The following CFAP46 variants were observed in gnomAD, a reference collection of about 807,000 sequenced individuals.
CFAP46 encodes the protein cilia- and flagella-associated protein 46.
CFAP46 carries 245 observed loss-of-function variants against 325.7 expected under a neutral mutation model. That is an observed-to-expected ratio of 0.75 (90% CI 0.68 to 0.84). The LOEUF (loss-of-function observed/expected upper bound fraction) is 0.84. Among genes scored for constraint, CFAP46 ranks in the 40% least tolerant of loss-of-function variants. CFAP46 has a pLI of 0.00. For missense variants in CFAP46, 3,346 were observed against 3,543.0 expected (o/e 0.94, Z 1.41); for synonymous variants, 1,523 against 1,495.9 (o/e 1.02, Z -0.42).
At chr10:132,885,615 G>C (rs1030070352) in intron 26 of CFAP46, among the ~76,000 whole-genome samples, 5 of 149,510 alleles carry the variant, frequency 3.3e-5, no homozygotes, top group African/African-American at 9.9e-5. Flanking sequence ...GGAGCAGCAG[G>C]CAGGTGCTCA....
chr10:132,886,102 C>G lies in CFAP46; in HGVS notation c.3305-143G>C. 1 of 1,181,976 alleles carries G rather than the reference C, an allele frequency of 8.5e-7. No individual in the cohort carries two copies. The highest frequency in any genetic ancestry group is 1.5e-5 in the South Asian group (1 of 66,132). 73.2% of individuals were successfully genotyped at this position (1,181,976 alleles called of 1,614,324 possible). A position where few individuals can be genotyped will look rare whatever the true frequency, so the allele number is the denominator to read the frequency against. On this transcript the variant is annotated intron_variant, in intron 25 of 57. Coordinates refer to ENST00000368586, the MANE Select transcript of CFAP46 (RefSeq NM_001200049.3). The surrounding 1 kb of genome is among the most constrained non-coding windows in gnomAD (Gnocchi z 5.8). ...GAGGTGCCCAGGCCAGCGCATGCCC[C>G]GCAGGGCTGAAGTGAGCTGTGGACC...
chr10:132,878,191 C>T (rs1848984741), intron 29 of CFAP46, 104 bp from the exon 30 acceptor site: 1 of 1,058,000 alleles, frequency 9.5e-7, no homozygotes, highest in East Asian at 2.6e-5. Context: ...CGCGGGGCTC[C>T]CCAGACTCTA....
In CFAP46 at chr10:132,895,945, G is replaced by GA. The variant is rs5789143; in HGVS notation, c.3219+3013dup. 3.4e-4 allele frequency among the ~76,000 whole-genome samples: 16 copies of GA among 47,758 alleles called. 4 individuals are homozygous for GA. In the African/African-American group the frequency reaches 3.8e-3, roughly 11 times the overall value. The allele number at this position is 47,758 out of a possible 152,430, so 31.3% of individuals were successfully genotyped here. A position where few individuals can be genotyped will look rare whatever the true frequency, so the allele number is the denominator to read the frequency against. On this transcript the variant is annotated intron_variant, in intron 24 of 57. Coordinates refer to ENST00000368586, the MANE Select transcript of CFAP46 (RefSeq NM_001200049.3). ...AAGGCAGCCAGGCTCTGTGTGCCAT[G>GA]AGACACGGCGAGAAGGCAGCTAGGC... is the stretch of plus-strand genomic sequence containing the variant.
At chr10:132,896,924 G>A (rs4131158) in intron 24 of CFAP46, among the ~76,000 whole-genome samples, 40,302 of 152,032 alleles carry the variant, frequency 0.27, 6,441 homozygotes, top group Admixed American at 0.45. Context: ...CATACAGGCC[G>A]GTGAAATAGA....
At chr10:132,887,374 CCTCTT>C (rs1338554402) in intron 25 of CFAP46, among the ~76,000 whole-genome samples, 2 of 110,338 alleles carry the variant, frequency 1.8e-5, no homozygotes, top group Non-Finnish European at 1.8e-5. Flanking sequence ...TTTCCTCTCC[CCTCTT>C]CTCTCTCTCC....
At position 132,916,237 on chromosome 10, in the gene CFAP46, G is replaced by C. The variant is rs112522600; in HGVS notation, c.2120+312C>G. ...AGCTGCCTTTCACGCATCATCAGAGGGCCTGACGAGGGTGAGCAAGAGGGA... is the reference window on the plus strand; with the variant it reads ...AGCTGCCTTTCACGCATCATCAGAGCGCCTGACGAGGGTGAGCAAGAGGGA... On this transcript the variant is annotated intron_variant, in intron 17 of 57. Coordinates refer to ENST00000368586, the MANE Select transcript of CFAP46 (RefSeq NM_001200049.3). Among the ~76,000 whole-genome samples the C allele has an allele frequency of 3.9e-3, 587 of 152,310 alleles. 1 individual carries two copies. The highest frequency in any genetic ancestry group is 6.2e-3 in the Non-Finnish European group (423 of 68,032).
rs1440635184 is a variant in CFAP46 at position 132,886,363 on chromosome 10, G to T, written c.3305-404C>A. Among the ~76,000 whole-genome samples, 1 of 152,194 alleles carries T rather than the reference G, an allele frequency of 6.6e-6. No individual in the cohort carries two copies. Among genetic ancestry groups the T allele is most frequent in the Non-Finnish European group, 1.5e-5 (1 of 68,030 alleles). Reference sequence around the variant, plus strand: ...GGACACAGCGCCACGTGCACGCTCGGGAGTCCTCATGCTTGGTGCCCGCAG... The same window carrying T: ...GGACACAGCGCCACGTGCACGCTCGTGAGTCCTCATGCTTGGTGCCCGCAG... On this transcript the variant is annotated intron_variant, in intron 25 of 57. Transcript: ENST00000368586. This position sits in a 1 kb window ranked among gnomAD's most constrained non-coding sequence, Gnocchi z 5.8.
At chr10:132,933,003 T>C (rs12247909) in intron 8 of CFAP46, among the ~76,000 whole-genome samples, 23,723 of 152,224 alleles carry the variant, frequency 0.16, 2,443 homozygotes, top group African/African-American at 0.3. Flanking sequence ...CAAATGTCCT[T>C]GGGGAGCAGG....
chr10:132,915,922 TA>T (rs1490517939), intron 17 of CFAP46, among the ~76,000 whole-genome samples: 2 of 152,120 alleles, frequency 1.3e-5, no homozygotes, highest in African/African-American at 4.8e-5. Flanking sequence ...TCTTGTCAAT[TA>T]AAAAAATAAG....
chr10:132,913,732 TC>T (rs1411339540), intron 17 of CFAP46, among the ~76,000 whole-genome samples: 1 of 152,106 alleles, frequency 6.6e-6, no homozygotes, highest in African/African-American at 2.4e-5. Flanking sequence ...TGTGGACTCT[TC>T]CTATGAGACT....
chr10:132,816,215 G>A (rs906222841), intron 50 of CFAP46, among the ~76,000 whole-genome samples: 14 of 150,938 alleles, frequency 9.3e-5, no homozygotes, highest in South Asian at 2.1e-4. Context: ...GTGTCTTTCC[G>A]TTTCTGGCGT....
At chr10:132,838,377 T>TG (rs1848300108) in intron 44 of CFAP46, among the ~76,000 whole-genome samples, 2 of 152,284 alleles carry the variant, frequency 1.3e-5, no homozygotes, top group African/African-American at 4.8e-5. Context: ...GAAAGTGGCG[T>TG]AAAAGCCCAT....
At chr10:132,823,090 T>A (rs1339033306) in intron 50 of CFAP46, among the ~76,000 whole-genome samples, 7 of 144,108 alleles carry the variant, frequency 4.9e-5, no homozygotes, top group Non-Finnish European at 7.5e-5. Flanking sequence ...TGCTGATGTG[T>A]GCTTTGTATG....
Position 132,832,444 on chromosome 10 carries a change from G to C in CFAP46, c.7117+914C>G, listed in dbSNP as rs566364765. ...TTCCCCAGAGAGTAAGACCTGGGTG[G>C]GCCATGGCGCTCGCCAGCCAAACCC... is the stretch of plus-strand genomic sequence containing the variant. On this transcript the variant is annotated intron_variant, in intron 50 of 57. Transcript: ENST00000368586. The surrounding 1 kb of genome is among the most constrained non-coding windows in gnomAD (Gnocchi z 4.1). Among the ~76,000 whole-genome samples, 1 of 149,696 alleles carries C rather than the reference G, an allele frequency of 6.7e-6. No individual in the cohort carries two copies. The highest frequency in any genetic ancestry group is 2.0e-4 in the East Asian group (1 of 5,066).
intron 33 of CFAP46, among the ~76,000 whole-genome samples, chr10:132,867,891 G>A (rs568757500): frequency 1.2e-3 from 183 of 152,296 alleles, no homozygotes; most frequent in Non-Finnish European, 1.9e-3. Context: ...GCCTTCCCAC[G>A]GGGTCTTCAA....
At chr10:132,893,296 G>A (rs372347073) in intron 24 of CFAP46, among the ~76,000 whole-genome samples, 17 of 152,226 alleles carry the variant, frequency 1.1e-4, no homozygotes, top group Non-Finnish European at 1.3e-4. Flanking sequence ...CATGCAATAC[G>A]CTGGAAGTCA....
intron 43 of CFAP46, 88 bp downstream of exon 43, chr10:132,846,844 C>G: frequency 6.9e-7 from 1 of 1,444,326 alleles, no homozygotes; most frequent in South Asian, 1.4e-5. Flanking sequence ...CTAATGGAGT[C>G]CCCCCAAGGC....
chr10:132,921,037 C>T (rs1338651307), intron 13 of CFAP46, among the ~76,000 whole-genome samples: 1 of 152,228 alleles, frequency 6.6e-6, no homozygotes, highest in African/African-American at 2.4e-5. Context: ...AGGGCGGCAG[C>T]CCCTTCCCGC....
chr10:132,820,011 G>C (rs1020451151), intron 50 of CFAP46, among the ~76,000 whole-genome samples: 1 of 152,188 alleles, frequency 6.6e-6, no homozygotes, highest in African/African-American at 2.4e-5. Context: ...AATAGCCTAA[G>C]TATATAAGGA....
Sources: gnomAD v4.1 joint callset for allele counts (sites outside exome capture counted in the v4.1 genomes callset) on GRCh38, gnomAD v4.1.1 for gene constraint, Gnocchi (gnomAD v3.1) non-coding constraint, MANE v1.5 for transcripts, NCBI Gene and HGNC (gene_info 2026-07-23, HGNC 2026-07-21) for gene names.